Variants in EYS observed in about 807,000 individuals in gnomAD.
EYS encodes the protein protein eyes shut homolog.
In EYS, 250 loss-of-function variants were observed where a neutral mutation model predicts 282.1. That is an observed-to-expected ratio of 0.89 (90% CI 0.80 to 0.98). EYS has a LOEUF of 0.98. Among genes scored for constraint, EYS ranks in the 50% least tolerant of loss-of-function variants. The pLI, the probability that EYS is intolerant of heterozygous loss-of-function variation, is 0.00. For synonymous variants in EYS, 1,355 were observed against 1,282.9 expected, an observed-to-expected ratio of 1.06 and a Z score of -1.20; for missense variants, 4,016 against 3,709.0, an observed-to-expected ratio of 1.08 and a Z score of -2.15.
At chr6:65,407,744 C>CGTGTGTGT (rs71002305) in intron 5 of EYS, among the ~76,000 whole-genome samples, 53 of 144,220 alleles carry the variant, frequency 3.7e-4, no homozygotes, top group African/African-American at 1.2e-3. Flanking sequence ...CTAATAAGTC[C>CGTGTGTGT]GTGTGTGTGT....
At chr6:65,561,223 AT>A (rs769175005) in intron 2 of EYS, among the ~76,000 whole-genome samples, 1 of 152,152 alleles carries the variant, frequency 6.6e-6, no homozygotes, top group Non-Finnish European at 1.5e-5. Flanking sequence ...GGCAGAGATA[AT>A]TTAAAACTCC....
chr6:64,434,079 C>T (rs1774657767), intron 28 of EYS, among the ~76,000 whole-genome samples: 1 of 151,904 alleles, frequency 6.6e-6, no homozygotes, highest in South Asian at 2.1e-4. Flanking sequence ...AAAATGAGGT[C>T]ATTATGGTAG....
At chr6:64,558,884 G>T (rs1173267081) in intron 26 of EYS, among the ~76,000 whole-genome samples, 1 of 151,954 alleles carries the variant, frequency 6.6e-6, no homozygotes, top group Non-Finnish European at 1.5e-5. Flanking sequence ...CATCTTTTTT[G>T]AAACCACTCT....
intron 2 of EYS, among the ~76,000 whole-genome samples, chr6:65,530,601 A>G (rs1264139162): frequency 6.6e-6 from 1 of 152,144 alleles, no homozygotes; most frequent in Non-Finnish European, 1.5e-5. Context: ...CAAGAATTAA[A>G]CTGGATTCAT....
intron 12 of EYS, among the ~76,000 whole-genome samples, chr6:65,158,176 A>G (rs747705961): frequency 8.6e-5 from 13 of 150,874 alleles, no homozygotes; most frequent in Non-Finnish European, 1.6e-4. Flanking sequence ...ATCACCAGTC[A>G]CAATAAACTA....
At chr6:63,932,701 C>A (rs1182341977) in intron 35 of EYS, among the ~76,000 whole-genome samples, 4 of 152,220 alleles carry the variant, frequency 2.6e-5, no homozygotes, top group African/African-American at 7.2e-5. Flanking sequence ...ACACTCCACC[C>A]AACAGAACAC....
intron 31 of EYS, among the ~76,000 whole-genome samples, chr6:64,085,052 C>T (rs1772096867): frequency 6.6e-6 from 1 of 152,138 alleles, no homozygotes; most frequent in East Asian, 1.9e-4. Context: ...TGTTCTTTTG[C>T]ACAGGCTGCA....
intron 33 of EYS, among the ~76,000 whole-genome samples, chr6:64,011,345 GT>G (rs1209437990): frequency 6.6e-6 from 1 of 152,028 alleles, no homozygotes; most frequent in African/African-American, 2.4e-5. Flanking sequence ...ATCAAACTAA[GT>G]TCTTGCCTTT....
chr6:64,872,108 A>G (rs1157020825), intron 19 of EYS, among the ~76,000 whole-genome samples: 2 of 152,004 alleles, frequency 1.3e-5, no homozygotes, highest in Non-Finnish European at 2.9e-5. Context: ...GTAGCCAGGT[A>G]AATAGCCTAA....
At chr6:65,489,021 A>G (rs1765920350) in intron 5 of EYS, among the ~76,000 whole-genome samples, 1 of 152,190 alleles carries the variant, frequency 6.6e-6, no homozygotes. Flanking sequence ...AATCATAAAA[A>G]TCCTAGAGGA....
intron 26 of EYS, among the ~76,000 whole-genome samples, chr6:64,521,544 AG>A (rs1214270225): frequency 2.6e-5 from 4 of 151,720 alleles, no homozygotes; most frequent in African/African-American, 9.7e-5. Flanking sequence ...TGAAGCTGCA[AG>A]AATTACGGCT....
In EYS at chr6:63,780,677, A is replaced by T. The variant is rs187606094; in HGVS notation, c.7724-2497T>A. The stretch of plus-strand genomic sequence containing the variant: ...TTTGTCAGATGGGTAGATTGCAAAA[A>T]TTTTCTCCCATTCTGTAGGTTGCCT... On this transcript the variant is annotated intron_variant, in intron 39 of 42. Coordinates refer to ENST00000503581, the MANE Select transcript of EYS (RefSeq NM_001142800.2). Among the ~76,000 whole-genome samples the T allele has an allele frequency of 1.4e-4, 21 of 152,078 alleles. No homozygotes were observed. The East Asian group carries it at 3.7e-3, about 27-fold the overall frequency.
At chr6:64,146,906 T>C (rs759663248) in intron 31 of EYS, among the ~76,000 whole-genome samples, 1 of 152,210 alleles carries the variant, frequency 6.6e-6, no homozygotes, top group Non-Finnish European at 1.5e-5. Flanking sequence ...TATTTTTATT[T>C]CCATTTTTCT....
intron 41 of EYS, among the ~76,000 whole-genome samples, chr6:63,727,721 A>ATATATATATAT (rs1561997493): frequency 4.5e-5 from 3 of 66,702 alleles, no homozygotes; most frequent in African/African-American, 3.3e-4. Context: ...AAAAAAAAAA[A>ATATATATATAT]AAAAAAAAAA....
At chr6:64,748,332 T>G (rs1772625587) in intron 22 of EYS, among the ~76,000 whole-genome samples, 1 of 152,198 alleles carries the variant, frequency 6.6e-6, no homozygotes, top group Non-Finnish European at 1.5e-5. Context: ...GCGACCAGCT[T>G]CATGGAATAC....
At chr6:63,843,265 G>T (rs1426557343) in intron 36 of EYS, among the ~76,000 whole-genome samples, 1 of 152,110 alleles carries the variant, frequency 6.6e-6, no homozygotes, top group Non-Finnish European at 1.5e-5. Flanking sequence ...CCTTTTGTTT[G>T]TGTCCTCTTA....
At chr6:64,378,508 A>G (rs973944665) in intron 29 of EYS, among the ~76,000 whole-genome samples, 4 of 152,178 alleles carry the variant, frequency 2.6e-5, no homozygotes, top group Non-Finnish European at 1.5e-5. Flanking sequence ...AATAACTTCA[A>G]AATTATTGTT....
At chr6:65,212,800 A>G (rs1451926645) in intron 12 of EYS, among the ~76,000 whole-genome samples, 1 of 152,168 alleles carries the variant, frequency 6.6e-6, no homozygotes, top group African/African-American at 2.4e-5. Context: ...TACTACTCAA[A>G]TAAGTTATAT....
chr6:64,314,137 G>A (rs1412887323), intron 29 of EYS, among the ~76,000 whole-genome samples: 1 of 124,400 alleles, frequency 8.0e-6, no homozygotes, highest in Non-Finnish European at 1.6e-5. Flanking sequence ...CATGTGCAGA[G>A]ACACACACAG....
Sources: gnomAD v4.1 joint callset for allele counts (sites outside exome capture counted in the v4.1 genomes callset) on GRCh38, gnomAD v4.1.1 for gene constraint, MANE v1.5 for transcripts, NCBI Gene and HGNC (gene_info 2026-07-23, HGNC 2026-07-21) for gene names.